The following CSRNP3 variants were observed in gnomAD, a reference collection of about 807,000 sequenced individuals.
CSRNP3 encodes cysteine/serine-rich nuclear protein 3.
In CSRNP3, 12 loss-of-function variants were observed where a neutral mutation model predicts 48.0. The ratio of observed to expected loss-of-function variants is 0.25; its 90% CI spans 0.16 to 0.41. The LOEUF is 0.41. CSRNP3 is among the 10% of genes least tolerant of loss of function. The probability of loss-of-function intolerance (pLI) is 1.00; values close to 1 mark genes in which losing one functional copy is unlikely to be tolerated. For synonymous variants in CSRNP3, 263 were observed against 269.7 expected, an observed-to-expected ratio of 0.98 and a Z score of 0.24; for missense variants, 580 against 724.4, an observed-to-expected ratio of 0.80 and a Z score of 2.29.
At chr2:165,517,821 C>G (rs1684600919) in intron 2 of CSRNP3, 52 bp from the exon 3 acceptor site, 1 of 152,246 alleles carries the variant, frequency 6.6e-6, no homozygotes, top group South Asian at 2.1e-4. Context: ...TAAGTTTGCT[C>G]TTTGAAAACA....
chr2:165,520,831 ATT>A (rs71028492), intron 3 of CSRNP3, among the ~76,000 whole-genome samples: 1 of 109,798 alleles, frequency 9.1e-6, no homozygotes, highest in Non-Finnish European at 1.9e-5. Flanking sequence ...ATATATACAT[ATT>A]TTTTTTTCCT....
chr2:165,544,791 G>T (rs1558930336), intron 3 of CSRNP3, among the ~76,000 whole-genome samples: 1 of 152,108 alleles, frequency 6.6e-6, no homozygotes, highest in African/African-American at 2.4e-5. Context: ...AGTCTGGAGA[G>T]AATATATAAG....
chr2:165,538,707 T>G (rs1441826882), intron 3 of CSRNP3, among the ~76,000 whole-genome samples: 1 of 151,946 alleles, frequency 6.6e-6, no homozygotes, highest in African/African-American at 2.4e-5. Context: ...ATTCCCTTAC[T>G]TTCTGTTGAA....
At chr2:165,545,361 G>A (rs932068719) in intron 3 of CSRNP3, among the ~76,000 whole-genome samples, 4 of 152,134 alleles carry the variant, frequency 2.6e-5, no homozygotes, top group African/African-American at 9.7e-5. Context: ...CCTAGGTTGA[G>A]AATAATCCAG....
At chr2:165,555,203 C>G (rs560899593) in intron 3 of CSRNP3, among the ~76,000 whole-genome samples, 1 of 151,920 alleles carries the variant, frequency 6.6e-6, no homozygotes, top group South Asian at 2.1e-4. Context: ...ATCTGATATA[C>G]TGTATACTTT....
chr2:165,670,687 C>T (rs985106282), intron 5 of CSRNP3, among the ~76,000 whole-genome samples: 1 of 152,102 alleles, frequency 6.6e-6, no homozygotes, highest in African/African-American at 2.4e-5. Flanking sequence ...TAGAACAGTG[C>T]CTGGCACACA....
chr2:165,632,342 C>A (rs76257028), intron 4 of CSRNP3, among the ~76,000 whole-genome samples: 12 of 151,910 alleles, frequency 7.9e-5, no homozygotes, highest in Non-Finnish European at 1.8e-4. Context: ...GGCAACAGAG[C>A]AAGACACTGT....
intron 1 of CSRNP3, among the ~76,000 whole-genome samples, chr2:165,490,312 T>C (rs1684185591): frequency 6.7e-6 from 1 of 149,124 alleles, no homozygotes; most frequent in Non-Finnish European, 1.5e-5. Context: ...TACAAACAAA[T>C]GGAAGAAAAT....
At chr2:165,634,431 T>G (rs921351081) in intron 4 of CSRNP3, among the ~76,000 whole-genome samples, 4 of 152,154 alleles carry the variant, frequency 2.6e-5, no homozygotes, top group African/African-American at 4.8e-5. Flanking sequence ...CCAGGAAATA[T>G]TCTAGGAATG....
At chr2:165,630,253 T>C (rs185536748) in intron 4 of CSRNP3, among the ~76,000 whole-genome samples, 26 of 152,340 alleles carry the variant, frequency 1.7e-4, no homozygotes, top group African/African-American at 6.0e-4. Context: ...AGTGTGTATG[T>C]GTATTTTGAA....
At chr2:165,603,088 G>A (rs918874602) in intron 4 of CSRNP3, among the ~76,000 whole-genome samples, 9 of 151,742 alleles carry the variant, frequency 5.9e-5, no homozygotes, top group African/African-American at 1.9e-4. Context: ...GTAGAGACGG[G>A]GCTTCACCGT....
At chr2:165,625,299 C>T (rs1158438228) in intron 4 of CSRNP3, among the ~76,000 whole-genome samples, 2 of 151,704 alleles carry the variant, frequency 1.3e-5, no homozygotes, top group Admixed American at 6.6e-5. Flanking sequence ...AGACAGGTAA[C>T]AAATATACAT....
chr2:165,653,454 T>C (rs1470513361), intron 4 of CSRNP3, among the ~76,000 whole-genome samples: 3 of 152,202 alleles, frequency 2.0e-5, no homozygotes, highest in Non-Finnish European at 2.9e-5. Flanking sequence ...GAAGGCCTTC[T>C]GCTCCCTGAC....
intron 4 of CSRNP3, among the ~76,000 whole-genome samples, chr2:165,596,473 A>C (rs1685813396): frequency 6.6e-6 from 1 of 152,214 alleles, no homozygotes; most frequent in South Asian, 2.1e-4. Context: ...AGAGGTAATA[A>C]GGAACTCAAT....
intron 3 of CSRNP3, among the ~76,000 whole-genome samples, chr2:165,562,704 TAAAG>T (rs1685249653): frequency 1.3e-5 from 2 of 152,188 alleles, no homozygotes; most frequent in African/African-American, 4.8e-5. Context: ...TTTCTCATGG[TAAAG>T]GTTTGTGGTG....
chr2:165,611,933 A>G (rs1686144803), intron 4 of CSRNP3, among the ~76,000 whole-genome samples: 1 of 152,126 alleles, frequency 6.6e-6, no homozygotes, highest in Admixed American at 6.5e-5. Context: ...CCAAGTATAA[A>G]ATAAAATCTT....
At chr2:165,535,584 G>A (rs1223709482) in intron 3 of CSRNP3, among the ~76,000 whole-genome samples, 1 of 151,794 alleles carries the variant, frequency 6.6e-6, no homozygotes, top group East Asian at 1.9e-4. Flanking sequence ...TTACTTGCAG[G>A]GAAAGGAATT....
In CSRNP3 at chr2:165,676,345, G is replaced by T; in HGVS notation, c.442G>T (p.Ala148Ser). 6.2e-7 allele frequency: 1 copy of T among 1,614,100 alleles called. No individual in the cohort carries two copies. Among genetic ancestry groups the T allele is most frequent in the Non-Finnish European group, 8.5e-7 (1 of 1,179,966 alleles). The change falls in exon 6 of 7, where the codon GCC becomes TCC. Residue 148 changes from alanine to serine, a missense_variant. By Grantham distance (99) the Ala-to-Ser change is moderately conservative. This residue lies in a region of CSRNP3 where 62 missense variants were observed against 66.4 expected (regional missense o/e 0.93). Coordinates refer to ENST00000651982, the MANE Select transcript of CSRNP3 (RefSeq NM_001172173.2). ...TKNGTVESEEASTLTLDDISD... is the reference protein window; with the variant it reads ...TKNGTVESEESSTLTLDDISD... ...GAATGGCACAGTAGAATCAGAAGAA[G>T]CCAGCACTCTTACACTGGATGACAT...
chr2:165,539,887 T>G (rs868812995), intron 3 of CSRNP3, among the ~76,000 whole-genome samples: 1 of 152,132 alleles, frequency 6.6e-6, no homozygotes, highest in South Asian at 2.1e-4. Context: ...GCAGCTATGC[T>G]GGAGCAAATT....
Sources: allele counts gnomAD v4.1 joint callset (sites outside exome capture counted in the v4.1 genomes callset), GRCh38; gene constraint gnomAD v4.1.1; regional missense constraint gnomAD v4.1.1; transcripts MANE v1.5; gene names NCBI Gene and HGNC (gene_info 2026-07-23, HGNC 2026-07-21).